Variants in DYRK1A observed in about 807,000 individuals in gnomAD.
DYRK1A encodes dual specificity tyrosine phosphorylation regulated kinase 1A.
In DYRK1A, 9 loss-of-function variants were observed where a neutral mutation model predicts 79.7. The observed-to-expected ratio is 0.11, with a 90% CI of 0.07 to 0.20. The LOEUF is 0.20. Ranked by LOEUF, DYRK1A falls within the 10% of genes least tolerant of loss-of-function variation. The probability of loss-of-function intolerance (pLI) is 1.00; values close to 1 mark genes in which losing one functional copy is unlikely to be tolerated. For synonymous variants in DYRK1A, 349 were observed against 329.7 expected, an observed-to-expected ratio of 1.06 and a Z score of -0.63; for missense variants, 622 against 956.0, an observed-to-expected ratio of 0.65 and a Z score of 4.61.
At position 37,496,334 on chromosome 21, in the gene DYRK1A, C is replaced by T. The variant is rs375602283; in HGVS notation, c.1212+76C>T. Reference sequence around the variant, plus strand: ...ACCTGTCTTTTTATAGCTCATTTTGCATTTACTTGAAATCAGTGTGTTTCA... The same window carrying T: ...ACCTGTCTTTTTATAGCTCATTTTGTATTTACTTGAAATCAGTGTGTTTCA... On this transcript the variant is annotated intron_variant, in intron 9 of 11. Coordinates refer to ENST00000647188, the MANE Select transcript of DYRK1A (RefSeq NM_001347721.2). 97 of 1,433,374 alleles carry T rather than the reference C, an allele frequency of 6.8e-5. No individual in the cohort carries two copies. The East Asian group carries it at 2.1e-3, about 31-fold the overall frequency. The allele number at this position is 1,433,374 out of a possible 1,614,324, so 88.8% of individuals were successfully genotyped here.
intron 1 of DYRK1A, chr21:37,410,703 T>G (rs1181754977): frequency 6.6e-6 from 1 of 152,206 alleles, no homozygotes; most frequent in Admixed American, 6.5e-5. Context: ...CATTTTGATG[T>G]TAATTCCAGT....
chr21:37,401,982 C>T (rs888827303), intron 1 of DYRK1A, among the ~76,000 whole-genome samples: 2 of 152,122 alleles, frequency 1.3e-5, no homozygotes, highest in African/African-American at 2.4e-5. Flanking sequence ...TGACAATTTC[C>T]ACTTCCCACT....
intron 2 of DYRK1A, among the ~76,000 whole-genome samples, chr21:37,453,582 G>T (rs1158480334): frequency 6.6e-6 from 1 of 152,194 alleles, no homozygotes; most frequent in African/African-American, 2.4e-5. Flanking sequence ...TGGTCCAGGG[G>T]TCTGCAGCCA....
At chr21:37,386,845 G>A (rs1347500181) in intron 1 of DYRK1A, among the ~76,000 whole-genome samples, 12 of 152,206 alleles carry the variant, frequency 7.9e-5, no homozygotes, top group Admixed American at 6.5e-4. Flanking sequence ...GGATTCAGAT[G>A]CAACAGTGCC....
chr21:37,463,726 C>T (rs1292524387), intron 2 of DYRK1A, among the ~76,000 whole-genome samples: 2 of 152,096 alleles, frequency 1.3e-5, no homozygotes, highest in Non-Finnish European at 2.9e-5. Context: ...GTTCACTTAC[C>T]CTCTTAATCA....
intron 2 of DYRK1A, among the ~76,000 whole-genome samples, chr21:37,439,755 T>C (rs902441122): frequency 2.0e-5 from 3 of 152,184 alleles, no homozygotes; most frequent in African/African-American, 7.2e-5. Context: ...TTTATCAGAT[T>C]GGGAAAGATA....
chr21:37,478,466 A>G (rs1403564751), intron 4 of DYRK1A, among the ~76,000 whole-genome samples, 166 bp downstream of exon 4: 1 of 152,244 alleles, frequency 6.6e-6, no homozygotes, highest in Non-Finnish European at 1.5e-5. Context: ...TGTAAAAGAT[A>G]TATTAACAAG....
intron 1 of DYRK1A, among the ~76,000 whole-genome samples, chr21:37,392,602 G>A (rs2049891532): frequency 6.6e-6 from 1 of 152,174 alleles, no homozygotes; most frequent in Admixed American, 6.5e-5. Flanking sequence ...CATGATGGAA[G>A]GGCAGGGCAA....
chr21:37,366,806 G>GT lies in DYRK1A; in HGVS notation c.-890dup, dbSNP rs200778467. 43 of 151,532 alleles carry GT rather than the reference G, an allele frequency of 2.8e-4. No individual in the cohort carries two copies. Among genetic ancestry groups the GT allele is most frequent in the Admixed American group, 6.6e-4 (10 of 15,264 alleles). The allele number at this position is 151,532 out of a possible 1,614,324, so 9.4% of individuals were successfully genotyped here. On this transcript the variant is annotated 5_prime_UTR_variant, in exon 1 of 12. Transcript: ENST00000647188. ...CGGTCCGTCGCCATTTTGTTGGTTGGTTTTTTTTTAAACCCTTTCGCTTCC... is the reference window on the plus strand; with the variant it reads ...CGGTCCGTCGCCATTTTGTTGGTTGGTTTTTTTTTTAAACCCTTTCGCTTCC...
chr21:37,369,675 A>G (rs71332573), intron 1 of DYRK1A, among the ~76,000 whole-genome samples: 5,577 of 152,366 alleles, frequency 0.037, 155 homozygotes, highest in Middle Eastern at 0.068. Context: ...TGTTTGCGCC[A>G]TGAAGGCACA....
At chr21:37,484,722 G>T (rs1346292942) in intron 5 of DYRK1A, among the ~76,000 whole-genome samples, 1 of 152,128 alleles carries the variant, frequency 6.6e-6, no homozygotes, top group Non-Finnish European at 1.5e-5. Flanking sequence ...TGATGACTCA[G>T]TCTTTGTGCT....
intron 1 of DYRK1A, among the ~76,000 whole-genome samples, chr21:37,378,562 T>A (rs368164490): frequency 2.0e-4 from 30 of 152,278 alleles, no homozygotes; most frequent in African/African-American, 6.5e-4. Flanking sequence ...ATTTTTTGGG[T>A]TCCCTTTATT....
At chr21:37,417,538 T>TTC (rs372913876) in intron 1 of DYRK1A, among the ~76,000 whole-genome samples, 99 of 99,906 alleles carry the variant, frequency 9.9e-4, no homozygotes, top group South Asian at 4.4e-3. Flanking sequence ...TCTTTTTTTT[T>TTC]TTTTTTTTTT....
At chr21:37,372,629 G>T (rs2038370603) in intron 1 of DYRK1A, among the ~76,000 whole-genome samples, 1 of 152,014 alleles carries the variant, frequency 6.6e-6, no homozygotes, top group African/African-American at 2.4e-5. Flanking sequence ...GTGACTTTAG[G>T]TACAGTGATT....
intron 11 of DYRK1A, among the ~76,000 whole-genome samples, chr21:37,507,515 G>A (rs999182815): frequency 1.3e-5 from 2 of 152,188 alleles, no homozygotes; most frequent in African/African-American, 4.8e-5. Flanking sequence ...TCTCCTGCCG[G>A]TGTCAGCGGT....
chr21:37,438,804 G>A (rs2148471155), intron 2 of DYRK1A, among the ~76,000 whole-genome samples: 1 of 152,180 alleles, frequency 6.6e-6, no homozygotes, highest in Non-Finnish European at 1.5e-5. Context: ...AACTACTCTA[G>A]GTCTTTTGCA....
intron 1 of DYRK1A, among the ~76,000 whole-genome samples, chr21:37,391,878 C>T (rs547637680): frequency 2.6e-5 from 4 of 152,346 alleles, no homozygotes; most frequent in African/African-American, 9.6e-5. Context: ...GGCACAGAGC[C>T]TCTGCCAGGG....
intron 1 of DYRK1A, among the ~76,000 whole-genome samples, chr21:37,404,289 G>A (rs1266693348): frequency 2.0e-5 from 3 of 152,146 alleles, no homozygotes; most frequent in East Asian, 1.9e-4. Flanking sequence ...GGCCTAGGCA[G>A]GTTGACACAT....
intron 1 of DYRK1A, among the ~76,000 whole-genome samples, chr21:37,382,182 T>A (rs2049670266): frequency 6.6e-6 from 1 of 152,004 alleles, no homozygotes; most frequent in African/African-American, 2.4e-5. Flanking sequence ...ATATTCATGG[T>A]TCCTGCCCTC....
Sources: allele counts gnomAD v4.1 joint callset (sites outside exome capture counted in the v4.1 genomes callset), GRCh38; gene constraint gnomAD v4.1.1; transcripts MANE v1.5; gene names NCBI Gene and HGNC (gene_info 2026-07-23, HGNC 2026-07-21).